Variants in HPSE2 observed in about 807,000 individuals in gnomAD.
The protein encoded by HPSE2 is inactive heparanase-2.
A neutral mutation model predicts 60.5 loss-of-function variants in HPSE2; 38 were observed. The observed-to-expected ratio is 0.63, with a 90% CI of 0.48 to 0.82. The LOEUF (loss-of-function observed/expected upper bound fraction) is 0.82. Ranked by LOEUF, HPSE2 falls within the 40% of genes least tolerant of loss-of-function variation. The pLI is 0.00. For synonymous variants in HPSE2, 295 were observed against 293.2 expected (o/e 1.01, Z -0.06); for missense variants, 713 against 740.4 (o/e 0.96, Z 0.43).
chr10:99,084,076 T>C (rs1181668212), intron 3 of HPSE2, among the ~76,000 whole-genome samples: 1 of 150,484 alleles, frequency 6.6e-6, no homozygotes, highest in Non-Finnish European at 1.5e-5. Flanking sequence ...ATATAGCTAT[T>C]GGAAAAGGGC....
chr10:98,587,146 C>G (rs1417348513), intron 9 of HPSE2, among the ~76,000 whole-genome samples: 1 of 152,118 alleles, frequency 6.6e-6, no homozygotes, highest in African/African-American at 2.4e-5. Flanking sequence ...ATATTATACC[C>G]TCTGTAAAAA....
Position 98,600,803 on chromosome 10 carries a change from C to CGT in HPSE2, c.1320+14099_1320+14100dup, listed in dbSNP as rs1554950372. On this transcript the variant is annotated intron_variant, in intron 9 of 11. Coordinates refer to ENST00000370552, the MANE Select transcript of HPSE2 (RefSeq NM_021828.5). ...ACATAAACATGTATGTATATATACA[C>CGT]GTGTGTGCGTGTGTGTGTAGATATA... is the stretch of plus-strand genomic sequence containing the variant. 4.5e-5 allele frequency among the ~76,000 whole-genome samples: 5 copies of CGT among 112,050 alleles called. No homozygotes were observed. The Admixed American group carries it at 5.1e-4, about 11-fold the overall frequency. 73.5% of individuals were successfully genotyped at this position (112,050 alleles called of 152,430 possible). A position where few individuals can be genotyped will look rare whatever the true frequency, so the allele number is the denominator to read the frequency against.
chr10:99,041,070 T>A, intron 3 of HPSE2, among the ~76,000 whole-genome samples: 1 of 148,990 alleles, frequency 6.7e-6, no homozygotes, highest in Non-Finnish European at 1.5e-5. Flanking sequence ...CTGAGTGACA[T>A]AGCGAGACTC....
At chr10:99,062,649 G>T (rs2135527057) in intron 3 of HPSE2, among the ~76,000 whole-genome samples, 1 of 152,216 alleles carries the variant, frequency 6.6e-6, no homozygotes, top group South Asian at 2.1e-4. Context: ...TGAGATTTCA[G>T]CCAGTAATCT....
At chr10:99,173,115 G>C (rs1029839365) in intron 2 of HPSE2, among the ~76,000 whole-genome samples, 11 of 152,158 alleles carry the variant, frequency 7.2e-5, no homozygotes, top group African/African-American at 2.7e-4. Context: ...AGCCAGGCTA[G>C]AAGCAAATTT....
intron 3 of HPSE2, among the ~76,000 whole-genome samples, chr10:99,114,741 C>T (rs1039422737): frequency 6.6e-6 from 1 of 151,608 alleles, no homozygotes. Context: ...GGTGAAATCC[C>T]GTCTCCACTA....
chr10:99,305,961 A>ATACGCGCGCG, the HPSE2 span, among the ~76,000 whole-genome samples: 62 of 103,042 alleles, frequency 6.0e-4, 6 homozygotes, highest in African/African-American at 1.0e-3. Context: ...ACTCACACAC[A>ATACGCGCGCG]CGCGCGCGCG....
At chr10:98,790,423 G>A (rs1380228292) in intron 3 of HPSE2, among the ~76,000 whole-genome samples, 6 of 152,152 alleles carry the variant, frequency 3.9e-5, no homozygotes, top group African/African-American at 1.4e-4. Flanking sequence ...TCACTTATAT[G>A]TGGAATCTAA....
intron 3 of HPSE2, among the ~76,000 whole-genome samples, chr10:98,979,024 G>A (rs1564706882): frequency 6.6e-6 from 1 of 152,110 alleles, no homozygotes; most frequent in Non-Finnish European, 1.5e-5. Flanking sequence ...TAGTGCCACC[G>A]TTTTTACATT....
chr10:98,544,429 G>A (rs933402229), intron 9 of HPSE2, among the ~76,000 whole-genome samples: 1 of 152,066 alleles, frequency 6.6e-6, no homozygotes, highest in African/African-American at 2.4e-5. Flanking sequence ...AACTAGAGAA[G>A]GCCGGGCGCG....
At chr10:98,579,200 G>A (rs1944723477) in intron 9 of HPSE2, among the ~76,000 whole-genome samples, 1 of 152,136 alleles carries the variant, frequency 6.6e-6, no homozygotes, top group South Asian at 2.1e-4. Context: ...AGAAGGATAT[G>A]TCTATTTGAG....
chr10:98,614,726 T>TGTGTGTG (rs1945856545), intron 9 of HPSE2, among the ~76,000 whole-genome samples, 178 bp downstream of exon 9: 1 of 151,924 alleles, frequency 6.6e-6, no homozygotes, highest in African/African-American at 2.4e-5. Context: ...TGTGTGTGTG[T>TGTGTGTG]TGAAGCCAAA....
At chr10:99,259,550 T>C in the HPSE2 span, among the ~76,000 whole-genome samples, 1 of 152,126 alleles carries the variant, frequency 6.6e-6, no homozygotes, top group Non-Finnish European at 1.5e-5. Context: ...ACATCATTAG[T>C]CATTAAGAGA....
chr10:98,814,216 T>C lies in HPSE2; in HGVS notation c.611-70160A>G, dbSNP rs534790269. Among the ~76,000 whole-genome samples, 9 of 151,634 alleles carry C rather than the reference T, an allele frequency of 5.9e-5. 1 individual carries two copies. In the South Asian group the frequency reaches 1.9e-3, roughly 31 times the overall value. ...AGTTTTTTAATGTTTTTAATAAAAT[T>C]GAAAAAAAAATTTAAAATATTTTAT... On this transcript the variant is annotated intron_variant, in intron 3 of 11. Transcript: ENST00000370552.
intron 5 of HPSE2, among the ~76,000 whole-genome samples, chr10:98,711,037 A>G (rs962318498): frequency 2.8e-4 from 42 of 152,094 alleles, no homozygotes; most frequent in African/African-American, 1.0e-3. Context: ...AGGAAGACCA[A>G]ATAGATTTGC....
At chr10:98,625,798 T>TTTAAA (rs1382183270) in intron 7 of HPSE2, among the ~76,000 whole-genome samples, 3 of 152,138 alleles carry the variant, frequency 2.0e-5, no homozygotes, top group Admixed American at 2.0e-4. Context: ...GTGATCTATA[T>TTTAAA]ACACATTTAA....
chr10:98,698,076 A>G (rs1257498487), intron 5 of HPSE2, among the ~76,000 whole-genome samples: 25 of 146,632 alleles, frequency 1.7e-4, no homozygotes, highest in African/African-American at 5.8e-4. Flanking sequence ...CATTAGACAG[A>G]TCAACGAGAC....
At chr10:99,098,458 T>TC (rs929421615) in intron 3 of HPSE2, among the ~76,000 whole-genome samples, 1 of 152,198 alleles carries the variant, frequency 6.6e-6, no homozygotes, top group African/African-American at 2.4e-5. Flanking sequence ...TATTTTCAAT[T>TC]CCATTGCTTT....
intron 11 of HPSE2, among the ~76,000 whole-genome samples, chr10:98,468,135 C>T (rs1383466925): frequency 2.6e-5 from 4 of 152,234 alleles, no homozygotes; most frequent in Non-Finnish European, 5.9e-5. Context: ...GTTAGAGTCC[C>T]GAGGAGGCCC....
Sources: allele counts gnomAD v4.1 joint callset (sites outside exome capture counted in the v4.1 genomes callset), GRCh38; gene constraint gnomAD v4.1.1; transcripts MANE v1.5; gene names NCBI Gene and HGNC (gene_info 2026-07-23, HGNC 2026-07-21).